Variants in KHDRBS2 observed in about 807,000 individuals in gnomAD.
The protein encoded by KHDRBS2 is KH RNA binding domain containing, signal transduction associated 2, also known as KH domain-containing, RNA-binding, signal transduction-associated protein 2.
In KHDRBS2, 26 loss-of-function variants were observed where a neutral mutation model predicts 44.3. The ratio of observed to expected loss-of-function variants is 0.59; its 90% CI spans 0.43 to 0.81. The LOEUF (loss-of-function observed/expected upper bound fraction) is 0.81. Among genes scored for constraint, KHDRBS2 ranks in the 40% least tolerant of loss-of-function variants. The pLI, the probability that KHDRBS2 is intolerant of heterozygous loss-of-function variation, is 0.00. For missense variants in KHDRBS2, 476 were observed against 433.1 expected (o/e 1.10, Z -0.88); for synonymous variants, 194 against 151.1 (o/e 1.28, Z -2.08).
chr6:61,663,355 C>G, the KHDRBS2 span, among the ~76,000 whole-genome samples: 1 of 147,096 alleles, frequency 6.8e-6, no homozygotes, highest in African/African-American at 2.5e-5. Flanking sequence ...ACATATGTAA[C>G]AAACCTGCAC....
chr6:62,106,541 T>TACAAGGA (rs1803385724), intron 2 of KHDRBS2, among the ~76,000 whole-genome samples: 1 of 152,100 alleles, frequency 6.6e-6, no homozygotes, highest in Admixed American at 6.6e-5. Flanking sequence ...AAGGAGGAAC[T>TACAAGGA]GGTACCTTTC....
Position 61,740,828 on chromosome 6 carries a change from T to G in KHDRBS2, c.811-8064A>C, listed in dbSNP as rs567309273. On this transcript the variant is annotated intron_variant, in intron 6 of 8. Coordinates refer to ENST00000281156, the MANE Select transcript of KHDRBS2 (RefSeq NM_152688.4). ...TAACCGTGATACGATTAAGAGTTGG[T>G]TTCAGGCACCTGGATATATGAGTTT... 1.6e-3 allele frequency among the ~76,000 whole-genome samples: 245 copies of G among 152,060 alleles called. 2 individuals carry two copies. The highest frequency in any genetic ancestry group is 2.3e-3 in the Non-Finnish European group (158 of 67,886).
chr6:61,604,229 C>T, the KHDRBS2 span, among the ~76,000 whole-genome samples: 5 of 152,150 alleles, frequency 3.3e-5, no homozygotes, highest in Non-Finnish European at 5.9e-5. Flanking sequence ...AATAAAAACT[C>T]TTCTCAAGGC....
chr6:61,679,016 T>C (rs1051911442), downstream of KHDRBS2: 4 of 151,808 alleles, frequency 2.6e-5, no homozygotes, highest in African/African-American at 9.7e-5. Flanking sequence ...AAAAGGCAAA[T>C]ATTTACAATT....
At chr6:61,767,707 G>C (rs1780213836) in intron 6 of KHDRBS2, among the ~76,000 whole-genome samples, 1 of 152,078 alleles carries the variant, frequency 6.6e-6, no homozygotes, top group African/African-American at 2.4e-5. Context: ...ATTTTAAACT[G>C]ATGACAACTT....
intron 2 of KHDRBS2, among the ~76,000 whole-genome samples, chr6:62,162,481 G>A (rs1411888905): frequency 6.6e-6 from 1 of 152,084 alleles, no homozygotes; most frequent in Non-Finnish European, 1.5e-5. Flanking sequence ...GTAACAAGTT[G>A]CTTCTCTCTT....
At chr6:61,692,166 A>G (rs965388177) in intron 8 of KHDRBS2, among the ~76,000 whole-genome samples, 1 of 152,102 alleles carries the variant, frequency 6.6e-6, no homozygotes, top group African/African-American at 2.4e-5. Flanking sequence ...ATGCAGCCTT[A>G]GTGAATTATA....
chr6:62,067,554 T>A (rs1794025837), intron 2 of KHDRBS2, among the ~76,000 whole-genome samples: 1 of 151,524 alleles, frequency 6.6e-6, no homozygotes, highest in Non-Finnish European at 1.5e-5. Flanking sequence ...AGACTATTGG[T>A]TTGAATATTT....
At chr6:62,121,050 C>T (rs924205915) in intron 2 of KHDRBS2, among the ~76,000 whole-genome samples, 1 of 152,082 alleles carries the variant, frequency 6.6e-6, no homozygotes, top group African/African-American at 2.4e-5. Context: ...TTACAGAGGT[C>T]AGGTAATTAA....
chr6:61,753,319 G>T (rs1387422155), intron 6 of KHDRBS2, among the ~76,000 whole-genome samples: 1 of 152,048 alleles, frequency 6.6e-6, no homozygotes, highest in Non-Finnish European at 1.5e-5. Context: ...CTTCTTCCTC[G>T]ATCTCAGTTT....
At chr6:62,220,833 A>C (rs1456950476) in intron 1 of KHDRBS2, among the ~76,000 whole-genome samples, 2 of 151,962 alleles carry the variant, frequency 1.3e-5, no homozygotes, top group Non-Finnish European at 2.9e-5. Context: ...TATGTCAGTG[A>C]CTATTTCAAT....
At chr6:62,188,242 A>T (rs1263325211) in intron 1 of KHDRBS2, among the ~76,000 whole-genome samples, 1 of 152,110 alleles carries the variant, frequency 6.6e-6, no homozygotes, top group Non-Finnish European at 1.5e-5. Context: ...AAACCATATC[A>T]AGCAGGTCTC....
intron 2 of KHDRBS2, among the ~76,000 whole-genome samples, chr6:62,169,100 T>A (rs1819335973): frequency 7.0e-6 from 1 of 141,910 alleles, no homozygotes; most frequent in South Asian, 2.2e-4. Flanking sequence ...TTTATATTTA[T>A]ATATACACAT....
At chr6:61,613,141 T>C in the KHDRBS2 span, among the ~76,000 whole-genome samples, 2 of 152,104 alleles carry the variant, frequency 1.3e-5, no homozygotes, top group Non-Finnish European at 2.9e-5. Context: ...CGTGAGCCAC[T>C]GCACCCAGCC....
intron 2 of KHDRBS2, among the ~76,000 whole-genome samples, chr6:62,051,636 G>A (rs971843157): frequency 1.3e-5 from 2 of 151,876 alleles, no homozygotes; most frequent in Non-Finnish European, 2.9e-5. Flanking sequence ...ACAAATAAAC[G>A]GGACTACATT....
At chr6:61,591,411 A>C in the KHDRBS2 span, among the ~76,000 whole-genome samples, 3 of 152,200 alleles carry the variant, frequency 2.0e-5, no homozygotes, top group Non-Finnish European at 2.9e-5. Flanking sequence ...AGCAAACATA[A>C]ATGGATAAAT....
At chr6:61,679,319 G>A (rs2127536912), downstream of KHDRBS2, among the ~76,000 whole-genome samples, 1 of 151,910 alleles carries the variant, frequency 6.6e-6, no homozygotes, top group South Asian at 2.1e-4. Context: ...TGCCTTGAGG[G>A]TTATATAATG....
At chr6:62,200,456 A>C (rs1483129491) in intron 1 of KHDRBS2, among the ~76,000 whole-genome samples, 1 of 152,252 alleles carries the variant, frequency 6.6e-6, no homozygotes, top group Non-Finnish European at 1.5e-5. Flanking sequence ...AAAGGAAGAC[A>C]TTTATGCAGC....
At chr6:61,619,111 TTTAA>T in the KHDRBS2 span, among the ~76,000 whole-genome samples, 4 of 151,994 alleles carry the variant, frequency 2.6e-5, no homozygotes, top group African/African-American at 4.8e-5. Flanking sequence ...ATAAAAAAAG[TTTAA>T]TTAAAAATTT....
Sources: gnomAD v4.1 joint callset for allele counts (sites outside exome capture counted in the v4.1 genomes callset) on GRCh38, gnomAD v4.1.1 for gene constraint, MANE v1.5 for transcripts, NCBI Gene and HGNC (gene_info 2026-07-23, HGNC 2026-07-21) for gene names.